The following GAD2 variants were observed in gnomAD, a reference collection of about 807,000 sequenced individuals.
GAD2 encodes glutamate decarboxylase 2.
Under a neutral mutation model 80.1 loss-of-function variants are expected in GAD2, and 22 were observed. That is an observed-to-expected ratio of 0.27 (90% CI 0.20 to 0.39). The LOEUF (loss-of-function observed/expected upper bound fraction) is 0.39, where lower values mean the gene tolerates loss of function less well. Among genes scored for constraint, GAD2 ranks in the 10% least tolerant of loss-of-function variants. The pLI, the probability that GAD2 is intolerant of heterozygous loss-of-function variation, is 1.00. For missense variants in GAD2, 624 were observed against 738.4 expected, an observed-to-expected ratio of 0.85 and a Z score of 1.80; for synonymous variants, 274 against 256.9, an observed-to-expected ratio of 1.07 and a Z score of -0.64.
intron 13 of GAD2, among the ~76,000 whole-genome samples, chr10:26,288,637 A>G (rs1834177265): frequency 6.6e-6 from 1 of 152,248 alleles, no homozygotes; most frequent in Admixed American, 6.5e-5. Flanking sequence ...TGTAAATATC[A>G]GGTAGCAAGC....
In GAD2 at chr10:26,302,311, T is replaced by C. The variant is rs1378652564; in HGVS notation, c.*1350T>C. 6.6e-6 allele frequency: 1 copy of C among 152,146 alleles called. No homozygotes were observed. The highest frequency in any genetic ancestry group is 6.6e-5 in the Admixed American group (1 of 15,266). 9.4% of individuals were successfully genotyped at this position (152,146 alleles called of 1,614,324 possible). On this transcript the variant is annotated 3_prime_UTR_variant, in exon 16 of 16. Coordinates refer to ENST00000376261, the MANE Select transcript of GAD2 (RefSeq NM_001134366.2). ...TCTCACCCTAGATTTTGAGGCATTA[T>C]CTTAAGATTTTCCTTTATCCATCTC...
chr10:26,234,925 T>A (rs1294730446), intron 7 of GAD2, among the ~76,000 whole-genome samples: 3 of 152,256 alleles, frequency 2.0e-5, no homozygotes, highest in Admixed American at 1.3e-4. Context: ...CAGGCTAGAG[T>A]GCAGTGGCGC....
At chr10:26,276,720 C>A (rs1259548406) in intron 11 of GAD2, among the ~76,000 whole-genome samples, 1 of 152,300 alleles carries the variant, frequency 6.6e-6, no homozygotes, top group East Asian at 1.9e-4. Context: ...TTTAGTCTCT[C>A]CTGCCCACAG....
At chr10:26,293,265 C>T (rs1242458058) in intron 15 of GAD2, among the ~76,000 whole-genome samples, 2 of 150,422 alleles carry the variant, frequency 1.3e-5, no homozygotes, top group South Asian at 2.1e-4. Context: ...GCATCCTCCA[C>T]CTCCCGGGTT....
chr10:26,217,868 C>G lies in GAD2; in HGVS notation c.163C>G (p.Pro55Ala), dbSNP rs752299714. Residue 55 changes from proline to alanine, a missense_variant, in exon 3 of 16, where the codon CCG becomes GCG. Physicochemically the swap from Pro to Ala is conservative, Grantham distance 27 (BLOSUM62 -1). Transcript: ENST00000376261. The surrounding 1 kb of genome is among the most constrained non-coding windows in gnomAD (Gnocchi z 4.9). ...CALLYGDAEKPAESGGSQPPR... is the reference protein window; with the variant it reads ...CALLYGDAEKAAESGGSQPPR... ...CCTGCTCTACGGAGACGCCGAGAAG[C>G]CGGCGGAGAGCGGCGGGAGCCAACC... 11 of 1,607,356 alleles carry G rather than the reference C, an allele frequency of 6.8e-6. No individual in the cohort carries two copies. The Admixed American group carries it at 8.4e-5, about 12-fold the overall frequency.
Position 26,217,469 on chromosome 10 carries a change from C to A in GAD2, c.77-141C>A, listed in dbSNP as rs1026133432. On this transcript the variant is annotated intron_variant, in intron 1 of 15. Transcript: ENST00000376261. This position sits in a 1 kb window ranked among gnomAD's most constrained non-coding sequence, Gnocchi z 4.9. ...TGCCTTCTGCACCTGCCGGCCTCAC[C>A]GAGTCCTGAGCGGCCCCCAGGAGGA... 8 of 830,388 alleles carry A rather than the reference C, an allele frequency of 9.6e-6. No individual in the cohort carries two copies. Among genetic ancestry groups the A allele is most frequent in the Middle Eastern group, 2.3e-4 (1 of 4,320 alleles). 51.4% of individuals were successfully genotyped at this position (830,388 alleles called of 1,614,324 possible). A position where few individuals can be genotyped will look rare whatever the true frequency, so the allele number is the denominator to read the frequency against.
intron 13 of GAD2, among the ~76,000 whole-genome samples, chr10:26,289,039 A>C (rs1428661982): frequency 6.6e-6 from 1 of 152,194 alleles, no homozygotes; most frequent in Admixed American, 6.5e-5. Context: ...ATCTAGCCGC[A>C]AAAACTTCCA....
chr10:26,264,382 T>C (rs1052736616), intron 8 of GAD2, among the ~76,000 whole-genome samples: 2 of 149,206 alleles, frequency 1.3e-5, no homozygotes, highest in African/African-American at 4.9e-5. Flanking sequence ...CGATCTCTAC[T>C]CACTGCAAGC....
chr10:26,223,884 C>T lies in GAD2; in HGVS notation c.521-3C>T. 1 of 1,571,172 alleles carries T rather than the reference C, an allele frequency of 6.4e-7. No homozygotes were observed. The highest frequency in any genetic ancestry group is 8.7e-7 in the Non-Finnish European group (1 of 1,154,736). ...CCTGATTCTGGTATTCCATTTTATT[C>T]AGGGCATCCTAGATACTTCAATCAA... On this transcript the variant is annotated splice_polypyrimidine_tract_variant and splice_region_variant and intron_variant, in intron 4 of 15. Transcript: ENST00000376261.
chr10:26,243,661 CACGCAGACAAGTCATTCTGCCCCAG>C (rs1844770811), intron 7 of GAD2, among the ~76,000 whole-genome samples: 1 of 152,210 alleles, frequency 6.6e-6, no homozygotes, highest in Admixed American at 6.5e-5. Context: ...CTGTTCTGTA[CACGCAGACAAGTCATTCTGCCCCAG>C]CCAGTAATTG....
intron 12 of GAD2, among the ~76,000 whole-genome samples, chr10:26,284,432 G>A (rs1212415222): frequency 6.6e-6 from 1 of 152,130 alleles, no homozygotes; most frequent in African/African-American, 2.4e-5. Flanking sequence ...GTTTTAAATA[G>A]TTTGGGACAG....
chr10:26,293,001 C>G lies in GAD2; in HGVS notation c.1584+10C>G. On this transcript the variant is annotated intron_variant, in intron 15 of 15. Transcript: ENST00000376261. ...GAGTCGCCTCTCGAAGGTCAGTGCT[C>G]CAAGCTCCTCTGATACATGTGTGTA... 1 of 1,596,674 alleles carries G rather than the reference C, an allele frequency of 6.3e-7. No individual in the cohort carries two copies. The highest frequency in any genetic ancestry group is 1.1e-5 in the South Asian group (1 of 90,658).
chr10:26,298,511 G>A (rs1834298305), intron 15 of GAD2, among the ~76,000 whole-genome samples: 2 of 152,138 alleles, frequency 1.3e-5, no homozygotes, highest in South Asian at 2.1e-4. Flanking sequence ...GCTTGTGGCT[G>A]TTAGCATTAA....
chr10:26,245,540 C>A (rs1439217795), intron 7 of GAD2, among the ~76,000 whole-genome samples: 1 of 151,722 alleles, frequency 6.6e-6, no homozygotes, highest in African/African-American at 2.4e-5. Context: ...CGAATTCAAG[C>A]GATTCTCCTG....
At position 26,242,134 on chromosome 10, in the gene GAD2, C is replaced by T. The variant is rs188455332; in HGVS notation, c.841-3787C>T. 2.1e-3 allele frequency among the ~76,000 whole-genome samples: 325 copies of T among 152,162 alleles called. 3 individuals are homozygous for T. The highest frequency in any genetic ancestry group is 7.6e-3 in the African/African-American group (316 of 41,522). On this transcript the variant is annotated intron_variant, in intron 7 of 15. Coordinates refer to ENST00000376261, the MANE Select transcript of GAD2 (RefSeq NM_001134366.2). ...CGGAGTAGCTGGGACTACAGGCACC[C>T]GCCACCATGCCTGGCTAATTTTTTT...
intron 15 of GAD2, among the ~76,000 whole-genome samples, chr10:26,299,545 T>C (rs926548187): frequency 1.3e-5 from 2 of 152,240 alleles, no homozygotes; most frequent in Non-Finnish European, 2.9e-5. Flanking sequence ...AGATAGCTGT[T>C]TCTATTATGC....
At chr10:26,284,624 T>G (rs1318132958) in intron 12 of GAD2, among the ~76,000 whole-genome samples, 1 of 140,536 alleles carries the variant, frequency 7.1e-6, no homozygotes, top group Non-Finnish European at 1.5e-5. Flanking sequence ...TAGGCTGAAG[T>G]GCAGTGATGT....
At chr10:26,229,578 G>A (rs967112351) in intron 6 of GAD2, 84 bp from the exon 7 acceptor site, 4 of 933,480 alleles carry the variant, frequency 4.3e-6, no homozygotes, top group Non-Finnish European at 6.8e-6. Context: ...GGAGGACTCA[G>A]GTCAGTGGAA....
intron 7 of GAD2, among the ~76,000 whole-genome samples, chr10:26,240,361 T>A (rs1844725001): frequency 6.6e-6 from 1 of 152,226 alleles, no homozygotes; most frequent in Admixed American, 6.5e-5. Flanking sequence ...CTTATTTTTT[T>A]AATTACAAAT....
Sources: gnomAD v4.1 joint callset for allele counts (sites outside exome capture counted in the v4.1 genomes callset) on GRCh38, gnomAD v4.1.1 for gene constraint, Gnocchi (gnomAD v3.1) non-coding constraint, MANE v1.5 for transcripts, NCBI Gene and HGNC (gene_info 2026-07-23, HGNC 2026-07-21) for gene names.